Variants in KYAT3 observed in about 807,000 individuals in gnomAD.
KYAT3 encodes the protein kynurenine aminotransferase 3, also known as kynurenine--oxoglutarate transaminase 3.
A neutral mutation model predicts 59.0 loss-of-function variants in KYAT3; 50 were observed. The ratio of observed to expected loss-of-function variants is 0.85; its 90% CI spans 0.68 to 1.07. KYAT3 has a LOEUF of 1.07. KYAT3 is among the 50% of genes least tolerant of loss of function. KYAT3 has a pLI of 0.00. For synonymous variants in KYAT3, 148 were observed against 177.0 expected, an observed-to-expected ratio of 0.84 and a Z score of 1.30; for missense variants, 497 against 533.3, an observed-to-expected ratio of 0.93 and a Z score of 0.67.
At chr1:88,925,973 A>C in the KYAT3 span, among the ~76,000 whole-genome samples, 24 of 152,336 alleles carry the variant, frequency 1.6e-4, no homozygotes, top group African/African-American at 5.5e-4. Context: ...GAGGCCACCG[A>C]CAACCAGTAG....
At chr1:88,965,026 C>A (rs749190115) in intron 4 of KYAT3, 48 bp from the exon 5 acceptor site, 29 of 1,482,268 alleles carry the variant, frequency 2.0e-5, no homozygotes, top group Non-Finnish European at 2.5e-5. Context: ...AATATGGGAC[C>A]TACTGTTTGA....
the KYAT3 span, among the ~76,000 whole-genome samples, chr1:88,922,073 A>G: frequency 6.6e-6 from 1 of 152,206 alleles, no homozygotes; most frequent in Admixed American, 6.5e-5. Context: ...AGGGCTGGGC[A>G]TGGTGGCTCA....
rs918725468 is a variant in KYAT3, at chr1:88,988,406, C to T, written c.-1-55G>A. 3.2e-6 allele frequency: 3 copies of T among 951,172 alleles called. No homozygotes were observed. In the Admixed American group the frequency reaches 5.9e-5, roughly 19 times the overall value. The allele number at this position is 951,172 out of a possible 1,614,324, so 58.9% of individuals were successfully genotyped here. On this transcript the variant is annotated intron_variant, in intron 1 of 13. Transcript: ENST00000260508. ...GAATAAATATATGATGGGTACATCA[C>T]TATCAGACACTTACAGCTAGCTGAT...
chr1:88,952,525 T>C (rs2101031509), intron 10 of KYAT3, among the ~76,000 whole-genome samples: 1 of 152,304 alleles, frequency 6.6e-6, no homozygotes, highest in Non-Finnish European at 1.5e-5. Context: ...TCCCCACTTC[T>C]CTCCCTCCTG....
At position 88,988,322 on chromosome 1, in the gene KYAT3, G is replaced by A. The variant is rs1330155349; in HGVS notation, c.29C>T (p.Ser10Phe). Residue 10 changes from serine (S) to phenylalanine (F), a missense_variant, in exon 2 of 14, where the codon TCT becomes TTT. Transcript: ENST00000260508. Reference sequence around the variant, plus strand: ...CAGGAATTTTGCTCTACCGCTAAGAGAGCAGAGGCTCCTCTGGGCCAAAAA... The same window carrying A: ...CAGGAATTTTGCTCTACCGCTAAGAAAGCAGAGGCTCCTCTGGGCCAAAAA... MFLAQRSLC[S>F]LSGRAKFLKT... is the part of the protein sequence containing the mutation. 6 of 1,613,068 alleles carry A rather than the reference G, an allele frequency of 3.7e-6. No individual in the cohort carries two copies. The African/African-American group carries it at 8.0e-5, about 22-fold the overall frequency.
Position 88,943,361 on chromosome 1 carries a change from T to C in KYAT3, c.1204A>G (p.Thr402Ala), listed in dbSNP as rs1397159548. The C allele has an allele frequency of 1.2e-5, 18 of 1,547,648 alleles. No individual in the cohort carries two copies. Among genetic ancestry groups the C allele is most frequent in the Non-Finnish European group, 1.6e-5 (18 of 1,127,672 alleles). The change falls in exon 12 of 14, where the codon ACT (threonine) becomes GCT (alanine). Residue 402 changes from threonine (T) to alanine (A), a missense_variant. Transcript: ENST00000260508. ...ACAATAAACATTACCTTATGTTTAG[T>C]CATCCATTTCACAAACTTATAGTCA... is the stretch of plus-strand genomic sequence containing the variant. ...PYDYKFVKWM[T>A]KHKKLSAIPV...
chr1:88,981,897 T>C (rs894923179), intron 2 of KYAT3: 8 of 887,998 alleles, frequency 9.0e-6, no homozygotes, highest in Non-Finnish European at 1.1e-5. Flanking sequence ...GCTGTTCCTT[T>C]AAAAGTGAGA....
At chr1:88,978,914 C>T (rs1676932633) in intron 2 of KYAT3, among the ~76,000 whole-genome samples, 1 of 151,652 alleles carries the variant, frequency 6.6e-6, no homozygotes, top group South Asian at 2.1e-4. Context: ...CTTGGCCTCT[C>T]AAAGTGCTGG....
chr1:88,937,662 A>C (rs1435584692), intron 13 of KYAT3, among the ~76,000 whole-genome samples: 1 of 152,172 alleles, frequency 6.6e-6, no homozygotes, highest in Non-Finnish European at 1.5e-5. Flanking sequence ...AGACTGGCAA[A>C]CACCACCTTA....
At chr1:88,955,571 A>T (rs1255256443) in intron 8 of KYAT3, among the ~76,000 whole-genome samples, 1 of 152,196 alleles carries the variant, frequency 6.6e-6, no homozygotes, top group Admixed American at 6.5e-5. Flanking sequence ...CAATGTTAGC[A>T]GTGACTGCAG....
chr1:88,938,839 C>A (rs1379849647), intron 13 of KYAT3, among the ~76,000 whole-genome samples: 1 of 152,132 alleles, frequency 6.6e-6, no homozygotes, highest in African/African-American at 2.4e-5. Flanking sequence ...CAAGCAGCCC[C>A]CACTGGTGAA....
chr1:88,968,450 T>C (rs1360975187), intron 4 of KYAT3, among the ~76,000 whole-genome samples: 1 of 152,044 alleles, frequency 6.6e-6, no homozygotes, highest in African/African-American at 2.4e-5. Flanking sequence ...AACAGTAAAG[T>C]AAGGGCCAAA....
intron 11 of KYAT3, among the ~76,000 whole-genome samples, chr1:88,943,906 A>T (rs952710200): frequency 1.3e-5 from 2 of 152,240 alleles, no homozygotes; most frequent in Non-Finnish European, 2.9e-5. Flanking sequence ...TGTCTAGCAC[A>T]TAAGTGACAA....
At position 88,982,634 on chromosome 1, in the gene KYAT3, G is replaced by C. The variant is rs1444309882; in HGVS notation, c.99+5618C>G. On this transcript the variant is annotated intron_variant, in intron 2 of 13. Transcript: ENST00000260508. ...TTTGTTTCTTTGAACTGGGATTTTGGTCCAAAGTTTTGTTTGTTTCTAGTA... is the reference window on the plus strand; with the variant it reads ...TTTGTTTCTTTGAACTGGGATTTTGCTCCAAAGTTTTGTTTGTTTCTAGTA... 8 of 1,571,416 alleles carry C rather than the reference G, an allele frequency of 5.1e-6. No individual in the cohort carries two copies. In the African/African-American group the frequency reaches 9.6e-5, roughly 19 times the overall value.
intron 2 of KYAT3, chr1:88,980,826 G>C (rs781238179): frequency 1.3e-5 from 2 of 152,070 alleles, no homozygotes; most frequent in African/African-American, 4.8e-5. Flanking sequence ...GGAAGGATTC[G>C]GCTAAGACAA....
intron 13 of KYAT3, 21 bp downstream of exon 13, chr1:88,942,984 T>C (rs1363031744): frequency 6.5e-7 from 1 of 1,529,886 alleles, no homozygotes; most frequent in South Asian, 1.1e-5. Flanking sequence ...ATATGTGTTT[T>C]CAATAGAGCA....
At chr1:88,935,616 A>G (rs1675005367), downstream of KYAT3, among the ~76,000 whole-genome samples, 2 of 152,196 alleles carry the variant, frequency 1.3e-5, no homozygotes, top group Non-Finnish European at 2.9e-5. Context: ...GCCACCGCAA[A>G]TAACAGCAGT....
chr1:88,968,080 T>C lies in KYAT3; in HGVS notation c.303+590A>G, dbSNP rs144563367. Among the ~76,000 whole-genome samples the C allele has an allele frequency of 9.2e-5, 14 of 152,290 alleles. No homozygotes were observed. In the East Asian group the frequency reaches 1.7e-3, roughly 19 times the overall value. On this transcript the variant is annotated intron_variant, in intron 4 of 13. Coordinates refer to ENST00000260508, the MANE Select transcript of KYAT3 (RefSeq NM_001008661.3). The stretch of plus-strand genomic sequence containing the variant: ...AAACCCTTCTATGGATTTTTATAGT[T>C]AGACCACTATAGAAGACAAAAAACA...
chr1:88,943,212 A>G, intron 12 of KYAT3, 121 bp from the exon 13 acceptor site: 1 of 1,063,238 alleles, frequency 9.4e-7, no homozygotes, highest in Non-Finnish European at 1.4e-6. Context: ...TTCCAAAAAG[A>G]AAAATGCTTT....
Sources: allele counts gnomAD v4.1 joint callset (sites outside exome capture counted in the v4.1 genomes callset), GRCh38; gene constraint gnomAD v4.1.1; transcripts MANE v1.5; gene names NCBI Gene and HGNC (gene_info 2026-07-23, HGNC 2026-07-21).